The following PCM1 variants were observed in gnomAD, a reference collection of about 807,000 sequenced individuals.
PCM1 encodes the protein pericentriolar material 1 protein.
PCM1 carries 157 observed loss-of-function variants against 241.9 expected under a neutral mutation model. That is an observed-to-expected ratio of 0.65 (90% confidence interval 0.57 to 0.74). The LOEUF (loss-of-function observed/expected upper bound fraction) is 0.74, where lower values mean the gene tolerates loss of function less well. Ranked by LOEUF, PCM1 falls within the 30% of genes least tolerant of loss-of-function variation. The pLI is 0.00. For missense variants in PCM1, 3,478 were observed against 2,360.1 expected, an observed-to-expected ratio of 1.47 and a Z score of -9.81; for synonymous variants, 1,085 against 784.9, an observed-to-expected ratio of 1.38 and a Z score of -6.39.
chr8:17,954,678 T>A (rs1257185769), intron 9 of PCM1, among the ~76,000 whole-genome samples: 2 of 152,156 alleles, frequency 1.3e-5, no homozygotes, highest in African/African-American at 2.4e-5. Context: ...ATAATGATGG[T>A]TCCTTTGAGA....
intron 24 of PCM1, among the ~76,000 whole-genome samples, chr8:17,984,991 T>A (rs36049816): frequency 6.6e-6 from 1 of 151,780 alleles, no homozygotes; most frequent in East Asian, 1.9e-4. Context: ...CTTAATCTAG[T>A]AGCTTTCATT....
At chr8:18,011,877 CAAACTTCCATCA>C in intron 34 of PCM1, 50 bp downstream of exon 34, 1 of 1,476,650 alleles carries the variant, frequency 6.8e-7, no homozygotes, top group African/African-American at 2.2e-5. Context: ...TTTAACTAAT[CAAACTTCCATCA>C]GCCTTATTTT....
At position 17,966,965 on chromosome 8, in the gene PCM1, C is replaced by G. The variant is rs759486652; in HGVS notation, c.3222-15C>G. The G allele has an allele frequency of 5.0e-6, 8 of 1,586,054 alleles. No individual in the cohort carries two copies. Among genetic ancestry groups the G allele is most frequent in the Middle Eastern group, 1.7e-4 (1 of 6,022 alleles). On this transcript the variant is annotated splice_polypyrimidine_tract_variant and intron_variant, in intron 20 of 38. Coordinates refer to ENST00000325083, the MANE Select transcript of PCM1 (RefSeq NM_006197.4). ...ATATAACTGATTCTTAGATTACTGA[C>G]TTAAATCTTTGTAGGTTGAAACAAA...
intron 9 of PCM1, among the ~76,000 whole-genome samples, chr8:17,954,494 T>A (rs976479081): frequency 1.3e-5 from 2 of 151,802 alleles, no homozygotes; most frequent in Non-Finnish European, 2.9e-5. Context: ...GTCCTTGTCG[T>A]CAGTTTTGTA....
intron 18 of PCM1, among the ~76,000 whole-genome samples, chr8:17,965,321 TTGGTGA>T (rs1397884580): frequency 6.6e-6 from 1 of 152,214 alleles, no homozygotes; most frequent in African/African-American, 2.4e-5. Context: ...TTGTTGACTG[TTGGTGA>T]TTGTTCTCAT....
At chr8:17,927,450 T>G (rs567438729) in intron 2 of PCM1, 3 of 152,162 alleles carry the variant, frequency 2.0e-5, no homozygotes, top group Admixed American at 2.0e-4. Flanking sequence ...TTCTTTACCT[T>G]ATATTCTTAT....
intron 10 of PCM1, chr8:17,955,943 C>T: frequency 2.5e-6 from 1 of 400,164 alleles, no homozygotes; most frequent in African/African-American, 2.1e-5. Context: ...GGTTTAGAGA[C>T]CAGGCTGTAG....
At chr8:17,932,335 T>C (rs566374898) in intron 2 of PCM1, among the ~76,000 whole-genome samples, 1 of 152,296 alleles carries the variant, frequency 6.6e-6, no homozygotes, top group South Asian at 2.1e-4. Context: ...TCAGTTTTAG[T>C]TCTTGATACA....
At chr8:17,985,755 T>G (rs957386453) in intron 25 of PCM1, 136 bp downstream of exon 25, 2 of 829,578 alleles carry the variant, frequency 2.4e-6, no homozygotes, top group African/African-American at 3.5e-5. Context: ...ACATTTTATT[T>G]AAAATTTTTG....
rs764168232 is a variant in PCM1, at chr8:17,980,618, CAT to C, written c.3972_3973del (p.Cys1325Ter). On this transcript the variant is annotated frameshift_variant, in exon 24 of 39. Coordinates refer to ENST00000325083, the MANE Select transcript of PCM1 (RefSeq NM_006197.4). LOFTEE classifies it high-confidence loss of function. ...TATGAAAGTGCCAGTATGTCTAGCACATGTGAACCTTGCAAAAGTAGGAACAG... is the reference window on the plus strand; with the variant it reads ...TATGAAAGTGCCAGTATGTCTAGCACGTGAACCTTGCAAAAGTAGGAACAG... The C allele has an allele frequency of 6.2e-7, 1 of 1,612,388 alleles. No homozygotes were observed.
Position 17,985,485 on chromosome 8 carries a change from G to C in PCM1, c.4147G>C (p.Asp1383His), listed in dbSNP as rs761384881. The change falls in exon 25 of 39, where the codon GAT (aspartate) becomes CAT (histidine). Residue 1383 changes from aspartate (D) to histidine (H), a missense_variant. Transcript: ENST00000325083. ...TTTTTCCATGTTTGAAGCTTTGCGA[G>C]ATACTATTTATTCTGAAGTAGCTAC... Reference protein sequence around the residue: ...SDFSMFEALRDTIYSEVATLI... With the variant: ...SDFSMFEALRHTIYSEVATLI... 95 of 1,565,708 alleles carry C rather than the reference G, an allele frequency of 6.1e-5. No homozygotes were observed. In the South Asian group the frequency reaches 1.1e-3, roughly 18 times the overall value.
At chr8:18,023,619 A>AT (rs937031555) in intron 36 of PCM1, among the ~76,000 whole-genome samples, 1 of 152,046 alleles carries the variant, frequency 6.6e-6, no homozygotes, top group African/African-American at 2.4e-5. Flanking sequence ...ATAAATCAGA[A>AT]TTTTTTTTAT....
At chr8:17,942,390 C>G (rs1406858904) in intron 6 of PCM1, among the ~76,000 whole-genome samples, 2 of 151,160 alleles carry the variant, frequency 1.3e-5, no homozygotes, top group Non-Finnish European at 2.9e-5. Context: ...TCGCTTCAAC[C>G]TAGGAGGTGT....
At chr8:17,974,545 G>T (rs1408977462) in intron 23 of PCM1, among the ~76,000 whole-genome samples, 1 of 152,060 alleles carries the variant, frequency 6.6e-6, no homozygotes, top group Admixed American at 6.5e-5. Flanking sequence ...ACTCTCTTGT[G>T]TTGCCAGTAT....
intron 26 of PCM1, among the ~76,000 whole-genome samples, chr8:17,989,308 C>T (rs1379484226): frequency 1.3e-5 from 2 of 151,858 alleles, no homozygotes; most frequent in East Asian, 1.9e-4. Context: ...TGTGAAGAAA[C>T]GTCCTGGGCC....
chr8:18,006,104 G>T, intron 29 of PCM1, 159 bp from the exon 30 acceptor site: 1 of 625,020 alleles, frequency 1.6e-6, no homozygotes, highest in Non-Finnish European at 2.6e-6. Flanking sequence ...GTAGGAGTTT[G>T]GCTTTTCTTA....
rs763276433 is a variant in PCM1 at position 17,957,303 on chromosome 8, T to C, written c.1686T>C (p.Ser562=). 2 of 1,610,088 alleles carry C rather than the reference T, an allele frequency of 1.2e-6. No individual in the cohort carries two copies. The highest frequency in any genetic ancestry group is 1.7e-6 in the Non-Finnish European group (2 of 1,177,634). Residue 562 remains serine, a synonymous_variant, in exon 12 of 39, where the codon AGT becomes AGC. Coordinates refer to ENST00000325083, the MANE Select transcript of PCM1 (RefSeq NM_006197.4). ...QVASTWNEVN[S]HSNAQCVSNN... is the part of the protein sequence containing the mutation. ...CTTCCACTTGGAATGAAGTAAATAG[T>C]CATAGTAATGCACAGTGTGTTTCTA...
At chr8:18,022,392 A>G (rs1054462857) in intron 36 of PCM1, among the ~76,000 whole-genome samples, 2 of 152,224 alleles carry the variant, frequency 1.3e-5, no homozygotes, top group Middle Eastern at 3.2e-3. Flanking sequence ...CTGATGTTCA[A>G]AGAATAGCCA....
chr8:17,953,380 T>C (rs182892799), intron 9 of PCM1, among the ~76,000 whole-genome samples, 194 bp downstream of exon 9: 95 of 152,310 alleles, frequency 6.2e-4, no homozygotes, highest in Non-Finnish European at 9.0e-4. Context: ...AAATCAGTTT[T>C]ATAATTCAGA....
Sources: allele counts gnomAD v4.1 joint callset (sites outside exome capture counted in the v4.1 genomes callset), GRCh38; gene constraint gnomAD v4.1.1; transcripts MANE v1.5; gene names NCBI Gene and HGNC (gene_info 2026-07-23, HGNC 2026-07-21).